The following CUL4A variants were observed in gnomAD, a reference collection of about 807,000 sequenced individuals.
CUL4A encodes cullin 4A, also known as cullin-4A.
CUL4A carries 16 observed loss-of-function variants against 95.5 expected under a neutral mutation model. The ratio of observed to expected loss-of-function variants is 0.17; its 90% CI spans 0.11 to 0.25. The LOEUF is 0.25. CUL4A is among the 10% of genes least tolerant of loss of function. CUL4A has a pLI of 1.00. For synonymous variants in CUL4A, 380 were observed against 353.1 expected, an observed-to-expected ratio of 1.08 and a Z score of -0.85; for missense variants, 610 against 937.0, an observed-to-expected ratio of 0.65 and a Z score of 4.56.
rs771796938 is a variant in CUL4A, at chr13:113,236,803, A to AT, written c.849-18dup. 1.3e-6 allele frequency: 2 copies of AT among 1,564,318 alleles called. No homozygotes were observed. Among genetic ancestry groups the AT allele is most frequent in the South Asian group, 2.3e-5 (2 of 87,876 alleles). On this transcript the variant is annotated intron_variant, in intron 8 of 19. Coordinates refer to ENST00000375440, the MANE Select transcript of CUL4A (RefSeq NM_001008895.4). The stretch of plus-strand genomic sequence containing the variant: ...TCTTTAAACTTTACTTCTAACGCTT[A>AT]TTCTTTTTACCTTATATAGGAAACC...
At chr13:113,211,157 T>TC (rs879859492) in intron 2 of CUL4A, among the ~76,000 whole-genome samples, 2 of 152,234 alleles carry the variant, frequency 1.3e-5, no homozygotes, top group African/African-American at 4.8e-5. Flanking sequence ...CCCTTGGCGG[T>TC]CCCCCATTTG....
At chr13:113,239,978 G>A (rs1335985011) in intron 10 of CUL4A, among the ~76,000 whole-genome samples, 5 of 152,020 alleles carry the variant, frequency 3.3e-5, no homozygotes, top group African/African-American at 4.8e-5. Flanking sequence ...ATTTCTTAAC[G>A]GTCCAAATTT....
chr13:113,257,216 T>TG (rs1289733883), intron 18 of CUL4A, among the ~76,000 whole-genome samples: 1 of 152,164 alleles, frequency 6.6e-6, no homozygotes, highest in East Asian at 1.9e-4. Context: ...TGAGCCACCA[T>TG]GCCCAGCCTG....
upstream of CUL4A, chr13:113,208,703 C>T (rs2040162328): frequency 1.4e-5 from 22 of 1,541,796 alleles, no homozygotes; most frequent in Non-Finnish European, 1.8e-5. Flanking sequence ...CACTTCCGGC[C>T]CTCGGTCCGT....
intron 8 of CUL4A, among the ~76,000 whole-genome samples, chr13:113,236,504 TC>T (rs1349538558): frequency 6.6e-6 from 1 of 152,162 alleles, no homozygotes; most frequent in Non-Finnish European, 1.5e-5. Context: ...ATTAAAACGT[TC>T]CTTATAAACT....
intron 3 of CUL4A, among the ~76,000 whole-genome samples, chr13:113,222,517 C>T (rs572767945): frequency 1.7e-4 from 25 of 151,256 alleles, no homozygotes; most frequent in South Asian, 1.3e-3. Context: ...GAGGGTCTGT[C>T]GTGGTCATGT....
chr13:113,239,393 G>A (rs377175612), intron 9 of CUL4A, 40 bp from the exon 10 acceptor site: 2 of 1,518,076 alleles, frequency 1.3e-6, no homozygotes, highest in African/African-American at 1.4e-5. Flanking sequence ...TGTTAATGCT[G>A]CCCATGCTGT....
chr13:113,208,222 G>T (rs2040077892), upstream of CUL4A: 1 of 1,515,782 alleles, frequency 6.6e-7, no homozygotes, highest in East Asian at 2.4e-5. Flanking sequence ...GGGAAACAGC[G>T]TCCATCCGAC....
intron 12 of CUL4A, 143 bp downstream of exon 12, chr13:113,244,657 T>C (rs2041810737): frequency 4.4e-6 from 3 of 683,900 alleles, no homozygotes; most frequent in Non-Finnish European, 7.6e-6. Flanking sequence ...CTTGCTAACA[T>C]GGTGAAACCC....
chr13:113,208,689 G>C (rs567911642), upstream of CUL4A: 1 of 1,562,750 alleles, frequency 6.4e-7, no homozygotes, highest in African/African-American at 1.4e-5. Context: ...GGGCCAGCTG[G>C]CGTCACTTCC....
intron 4 of CUL4A, among the ~76,000 whole-genome samples, chr13:113,229,075 C>A (rs561238289): frequency 6.6e-6 from 1 of 152,090 alleles, no homozygotes; most frequent in East Asian, 1.9e-4. Flanking sequence ...TTGCACATCA[C>A]GCCACCGCAC....
chr13:113,209,525 C>A, upstream of CUL4A: 1 of 670,624 alleles, frequency 1.5e-6, no homozygotes, highest in Non-Finnish European at 1.8e-6. Flanking sequence ...CGGGGCGGGG[C>A]GCGCGAGGAG....
intron 15 of CUL4A, among the ~76,000 whole-genome samples, chr13:113,246,292 G>A (rs1043400118): frequency 6.6e-5 from 10 of 152,336 alleles, no homozygotes; most frequent in Admixed American, 2.0e-4. Context: ...CCTGCAGGGG[G>A]CCCATGAGCA....
intron 19 of CUL4A, 129 bp from the exon 20 acceptor site, chr13:113,263,358 A>C: frequency 2.6e-6 from 1 of 387,932 alleles, no homozygotes; most frequent in Non-Finnish European, 4.6e-6. Flanking sequence ...AATGATTTTC[A>C]TATAAATATC....
intron 3 of CUL4A, among the ~76,000 whole-genome samples, chr13:113,224,182 C>G (rs1249673689): frequency 6.6e-6 from 1 of 152,184 alleles, no homozygotes; most frequent in Admixed American, 6.5e-5. Context: ...GAAACCCCGT[C>G]TCTACTGAAA....
chr13:113,233,919 T>G lies in CUL4A; in HGVS notation c.698T>G (p.Leu233Arg). The change falls in exon 7 of 20, where the codon CTG becomes CGG. Residue 233 changes from leucine to arginine, a missense_variant. Leu to Arg is a moderately radical substitution (Grantham distance 102). This residue lies in a region of CUL4A where 97 missense variants were observed against 100.3 expected (regional missense o/e 0.97). Coordinates refer to ENST00000375440, the MANE Select transcript of CUL4A (RefSeq NM_001008895.4). ...DLQVYKDSFE[L>R]KFLEETNCLY... is the part of the protein sequence containing the mutation. ...TAGGTGTATAAAGATTCATTTGAAC[T>G]GAAATTTTTGGAAGAGACTAATTGC... The G allele has an allele frequency of 6.2e-7, 1 of 1,606,050 alleles. No homozygotes were observed. The highest frequency in any genetic ancestry group is 1.3e-5 in the African/African-American group (1 of 74,868).
intron 3 of CUL4A, among the ~76,000 whole-genome samples, chr13:113,224,605 G>A (rs774778733): frequency 5.4e-4 from 82 of 152,340 alleles, no homozygotes; most frequent in Non-Finnish European, 9.4e-4. Flanking sequence ...TTTATGATCC[G>A]CACTGGCGAC....
At chr13:113,209,823 C>T in intron 1 of CUL4A, 48 bp downstream of exon 1, 7 of 1,165,776 alleles carry the variant, frequency 6.0e-6, no homozygotes, top group Non-Finnish European at 7.4e-6. Context: ...GGCGGGGACC[C>T]CACGAGACCC....
intron 2 of CUL4A, 38 bp downstream of exon 2, chr13:113,210,126 C>T (rs888961112): frequency 5.1e-6 from 7 of 1,371,144 alleles, no homozygotes; most frequent in Non-Finnish European, 6.7e-6. Context: ...CCGCTCCTGC[C>T]CCGCGTGACG....
Sources: gnomAD v4.1 joint callset for allele counts (sites outside exome capture counted in the v4.1 genomes callset) on GRCh38, gnomAD v4.1.1 for gene constraint, gnomAD v4.1.1 regional missense constraint, MANE v1.5 for transcripts, NCBI Gene and HGNC (gene_info 2026-07-23, HGNC 2026-07-21) for gene names.